NUP210: variants seen among roughly 807,000 people sequenced by gnomAD.
NUP210 encodes nuclear pore membrane glycoprotein 210.
In NUP210, 151 loss-of-function variants were observed where a neutral mutation model predicts 196.0. That is an observed-to-expected ratio of 0.77 (90% CI 0.67 to 0.88). NUP210 has a LOEUF of 0.88. Ranked by LOEUF, NUP210 falls within the 40% of genes least tolerant of loss-of-function variation. The pLI is 0.00. For missense variants in NUP210, 2,314 were observed against 2,493.7 expected (o/e 0.93, Z 1.53); for synonymous variants, 1,070 against 1,052.7 (o/e 1.02, Z -0.32).
At chr3:13,417,801 AC>A in intron 1 of NUP210, among the ~76,000 whole-genome samples, 1 of 152,202 alleles carries the variant, frequency 6.6e-6, no homozygotes, top group Non-Finnish European at 1.5e-5. Context: ...GTTATAAGGT[AC>A]TTAGCACTTC....
rs754579347 is a variant in NUP210 at position 13,323,459 on chromosome 3, T to C, written c.4645-27A>G. 4.3e-6 allele frequency: 7 copies of C among 1,613,308 alleles called. No homozygotes were observed. Among genetic ancestry groups the C allele is most frequent in the African/African-American group, 2.7e-5 (2 of 75,012 alleles). ...TAGAGAGGGAGCCAAGGAAGCTTCA[T>C]GGAGCGCCGCCTGTGTCCCGGTCCA... On this transcript the variant is annotated intron_variant, in intron 33 of 39. Coordinates refer to ENST00000254508, the MANE Select transcript of NUP210 (RefSeq NM_024923.4). The surrounding 1 kb of genome is among the most constrained non-coding windows in gnomAD (Gnocchi z 4.3).
chr3:13,358,418 C>G (rs1293774264), intron 15 of NUP210, 23 bp from the exon 16 acceptor site: 2 of 1,588,908 alleles, frequency 1.3e-6, no homozygotes, highest in East Asian at 2.3e-5. Flanking sequence ...AGTGAACAGT[C>G]AGACCCCCAA....
In NUP210 at chr3:13,353,922, CT is replaced by C. The variant is rs1698072519; in HGVS notation, c.2513del (p.Lys838SerfsTer50). ...GGCTTGTGCCCAGCTCACCGTGCAGCTTCTTTTGGCCACTCTCATCGTCCTG... is the reference window on the plus strand; with the variant it reads ...GGCTTGTGCCCAGCTCACCGTGCAGCTCTTTTGGCCACTCTCATCGTCCTG... ...VSQDDESGQKKLHGLQAILVH... is the reference protein window; with the variant it reads ...VSQDDESGQKXLHGLQAILVH... On this transcript the variant is annotated frameshift_variant, in exon 17 of 40. Transcript: ENST00000254508. LOFTEE classifies it high-confidence loss of function. 6.2e-7 allele frequency: 1 copy of C among 1,607,582 alleles called. No homozygotes were observed. The highest frequency in any genetic ancestry group is 1.3e-5 in the African/African-American group (1 of 74,870).
At chr3:13,332,877 G>A (rs1212301942) in intron 28 of NUP210, among the ~76,000 whole-genome samples, 1 of 152,232 alleles carries the variant, frequency 6.6e-6, no homozygotes, top group Non-Finnish European at 1.5e-5. Context: ...GCCAGGATGT[G>A]AGCGCGGAGG....
At position 13,419,788 on chromosome 3, in the gene NUP210, C is replaced by A. The variant is rs140170244; in HGVS notation, c.167+272G>T. Among the ~76,000 whole-genome samples, 1,328 of 152,200 alleles carry A rather than the reference C, an allele frequency of 8.7e-3. 8 individuals carry two copies. Among genetic ancestry groups the A allele is most frequent in the Non-Finnish European group, 0.013 (878 of 67,986 alleles). On this transcript the variant is annotated intron_variant, in intron 1 of 39. Transcript: ENST00000254508. The stretch of plus-strand genomic sequence containing the variant: ...AGACGCCGCTCCCCAGGCCACCCCT[C>A]CTCCCGCACAACCCAGAACACGCGG...
chr3:13,354,282 G>A, intron 16 of NUP210, 175 bp from the exon 17 acceptor site: 1 of 613,240 alleles, frequency 1.6e-6, no homozygotes. Context: ...GTCCCCCCAT[G>A]GCCCTGTCCA....
chr3:13,388,330 C>A lies in NUP210; in HGVS notation c.657G>T (p.Lys219Asn). Reference sequence around the variant, plus strand: ...TGTAGACAGCCTCCTGGATGCGAGCCTTGAGCTTGGAGCTCCCGGTCTTCA... The same window carrying A: ...TGTAGACAGCCTCCTGGATGCGAGCATTGAGCTTGGAGCTCCCGGTCTTCA... Reference protein sequence around the residue: ...SGMKTGSSKLKARIQEAVYKN... With the variant: ...SGMKTGSSKLNARIQEAVYKN... Residue 219 changes from lysine (K) to asparagine (N), a missense_variant, in exon 5 of 40, where the codon AAG (lysine) becomes AAT (asparagine). Coordinates refer to ENST00000254508, the MANE Select transcript of NUP210 (RefSeq NM_024923.4). 3 of 1,611,294 alleles carry A rather than the reference C, an allele frequency of 1.9e-6. No individual in the cohort carries two copies. The highest frequency in any genetic ancestry group is 2.5e-6 in the Non-Finnish European group (3 of 1,178,908).
At chr3:13,371,074 T>C (rs1698714488) in intron 13 of NUP210, among the ~76,000 whole-genome samples, 1 of 152,244 alleles carries the variant, frequency 6.6e-6, no homozygotes, top group Non-Finnish European at 1.5e-5. Flanking sequence ...TGCCCAAATC[T>C]TACTCCTATT....
intron 15 of NUP210, among the ~76,000 whole-genome samples, chr3:13,359,462 G>A (rs1698297033): frequency 6.6e-6 from 1 of 152,202 alleles, no homozygotes; most frequent in South Asian, 2.1e-4. Context: ...CAGGGCAGCT[G>A]TGGCATGGCT....
chr3:13,347,750 G>A lies in NUP210; in HGVS notation c.2835+4129C>T, dbSNP rs996141493. ...TGCAGCTGGAAAAAGCCACAGCCAC[G>A]AGTAGACATCCCTCGGAAACAGTCG... On this transcript the variant is annotated intron_variant, in intron 20 of 39. Coordinates refer to ENST00000254508, the MANE Select transcript of NUP210 (RefSeq NM_024923.4). The surrounding 1 kb of genome is among the most constrained non-coding windows in gnomAD (Gnocchi z 4.7). Among the ~76,000 whole-genome samples the A allele has an allele frequency of 3.3e-5, 5 of 152,234 alleles. No individual in the cohort carries two copies. The highest frequency in any genetic ancestry group is 1.2e-4 in the African/African-American group (5 of 41,462).
chr3:13,330,545 G>C lies in NUP210; in HGVS notation c.4025C>G (p.Ser1342Ter). 6.2e-7 allele frequency: 1 copy of C among 1,614,226 alleles called. No individual in the cohort carries two copies. The highest frequency in any genetic ancestry group is 8.5e-7 in the Non-Finnish European group (1 of 1,180,024). ...VHVDEKGFLA[S>*]GSMIGTSTIE... Reference sequence around the variant, plus strand: ...GGTGGATGTCCCGATCATAGACCCTGATGCTAGAAAGCCTTTCTCATCAAC... The same window carrying C: ...GGTGGATGTCCCGATCATAGACCCTCATGCTAGAAAGCCTTTCTCATCAAC... The change falls in exon 30 of 40, where the codon TCA becomes TGA. Residue 1342 changes from serine to a stop codon, truncating the protein, a stop_gained. Coordinates refer to ENST00000254508, the MANE Select transcript of NUP210 (RefSeq NM_024923.4). LOFTEE classifies it high-confidence loss of function.
At chr3:13,357,891 C>A (rs1418747183) in intron 16 of NUP210, among the ~76,000 whole-genome samples, 2 of 152,174 alleles carry the variant, frequency 1.3e-5, no homozygotes, top group Admixed American at 1.3e-4. Flanking sequence ...CATTTTAACA[C>A]CCTCAAGGCA....
rs193010996 is a variant in NUP210 at position 13,319,029 on chromosome 3, C to G, written c.5563+43G>C. ...CCCCTCCCCCAGGGCTCTTCTCTTT[C>G]TCAGCAGCTCTGCCTGGTTGTGCCT... On this transcript the variant is annotated intron_variant, in intron 39 of 39. Coordinates refer to ENST00000254508, the MANE Select transcript of NUP210 (RefSeq NM_024923.4). The G allele has an allele frequency of 1.3e-5, 20 of 1,550,436 alleles. No homozygotes were observed. The South Asian group carries it at 2.1e-4, about 17-fold the overall frequency.
chr3:13,372,802 C>T (rs1698776009), intron 12 of NUP210, among the ~76,000 whole-genome samples: 1 of 152,142 alleles, frequency 6.6e-6, no homozygotes, highest in African/African-American at 2.4e-5. Context: ...CGCCAGCTGG[C>T]CCCGGAAGCC....
At chr3:13,387,013 GC>G (rs1185174136) in intron 5 of NUP210, among the ~76,000 whole-genome samples, 1 of 152,186 alleles carries the variant, frequency 6.6e-6, no homozygotes, top group Admixed American at 6.5e-5. Flanking sequence ...ATTGTCTTTG[GC>G]CTGTTTGATG....
intron 18 of NUP210, among the ~76,000 whole-genome samples, chr3:13,352,449 C>T (rs1698013296): frequency 6.6e-6 from 1 of 152,200 alleles, no homozygotes; most frequent in Non-Finnish European, 1.5e-5. Context: ...CCCACCAGGC[C>T]CCAGTGGTGG....
intron 1 of NUP210, among the ~76,000 whole-genome samples, chr3:13,417,460 T>C (rs1159895471): frequency 1.3e-5 from 2 of 152,228 alleles, no homozygotes; most frequent in Non-Finnish European, 2.9e-5. Context: ...AATTCTCATT[T>C]TCTTTTTCGT....
Position 13,328,757 on chromosome 3 carries a change from T to C in NUP210, c.4286+14A>G, listed in dbSNP as rs549028466. 4 of 1,612,958 alleles carry C rather than the reference T, an allele frequency of 2.5e-6. No homozygotes were observed. The highest frequency in any genetic ancestry group is 3.3e-5 in the Admixed American group (2 of 60,006). ...AGGACTTCATAGGAGAAATGACCCT[T>C]GCCCACATCCTACCTGTTAGTGGCA... is the stretch of plus-strand genomic sequence containing the variant. On this transcript the variant is annotated intron_variant, in intron 31 of 39. Coordinates refer to ENST00000254508, the MANE Select transcript of NUP210 (RefSeq NM_024923.4).
chr3:13,418,719 C>T (rs1253916670), intron 1 of NUP210, among the ~76,000 whole-genome samples: 2 of 151,624 alleles, frequency 1.3e-5, no homozygotes, highest in Non-Finnish European at 2.9e-5. Context: ...ACCGGGGAGG[C>T]GGAAGTTGCA....
Sources: allele counts gnomAD v4.1 joint callset (sites outside exome capture counted in the v4.1 genomes callset), GRCh38; gene constraint gnomAD v4.1.1; non-coding constraint Gnocchi (gnomAD v3.1); transcripts MANE v1.5; gene names NCBI Gene and HGNC (gene_info 2026-07-23, HGNC 2026-07-21).